The following RBM34 variants were observed in gnomAD, a reference collection of about 807,000 sequenced individuals.
RBM34 encodes RNA binding motif protein 34.
In RBM34, 39 loss-of-function variants were observed where a neutral mutation model predicts 44.6. That is an observed-to-expected ratio of 0.87 (90% confidence interval 0.68 to 1.14). The LOEUF (loss-of-function observed/expected upper bound fraction) is 1.14, where lower values mean the gene tolerates loss of function less well. Among genes scored for constraint, RBM34 ranks in the 50% most tolerant of loss-of-function variants. The pLI, the probability that RBM34 is intolerant of heterozygous loss-of-function variation, is 0.00. For missense variants in RBM34, 572 were observed against 517.9 expected, an observed-to-expected ratio of 1.10 and a Z score of -1.01; for synonymous variants, 194 against 184.0, an observed-to-expected ratio of 1.05 and a Z score of -0.44.
intron 4 of RBM34, among the ~76,000 whole-genome samples, 189 bp from the exon 5 acceptor site, chr1:235,152,954 C>T (rs951381740): frequency 2.0e-5 from 3 of 151,316 alleles, no homozygotes; most frequent in East Asian, 1.9e-4. Flanking sequence ...CTGCAACCTC[C>T]GCCCCCACGG....
rs375616401 is a variant in RBM34 at position 235,132,168 on chromosome 1, G to A, written c.1009-171C>T. Among the ~76,000 whole-genome samples the A allele has an allele frequency of 1.6e-4, 25 of 151,846 alleles. 1 individual carries two copies. The highest frequency in any genetic ancestry group is 5.6e-4 in the African/African-American group (23 of 41,388). Reference sequence around the variant, plus strand: ...TCGAAGTCTCCTCATCACCATGCTCGTCACCAGTGTTTCCTCAGAAAGCAC... The same window carrying A: ...TCGAAGTCTCCTCATCACCATGCTCATCACCAGTGTTTCCTCAGAAAGCAC... On this transcript the variant is annotated intron_variant, in intron 10 of 10. Coordinates refer to ENST00000408888, the MANE Select transcript of RBM34 (RefSeq NM_015014.4).
chr1:235,138,414 A>C (rs1395656938), intron 6 of RBM34, among the ~76,000 whole-genome samples: 1 of 152,258 alleles, frequency 6.6e-6, no homozygotes, highest in African/African-American at 2.4e-5. Context: ...AACCATGAGA[A>C]AACAGATGAA....
intron 5 of RBM34, among the ~76,000 whole-genome samples, chr1:235,151,598 G>T (rs1026778426): frequency 6.6e-6 from 1 of 152,052 alleles, no homozygotes; most frequent in Admixed American, 6.6e-5. Flanking sequence ...GCATCTAGTG[G>T]GTAAAGACCA....
intron 10 of RBM34, among the ~76,000 whole-genome samples, chr1:235,133,426 A>G (rs577137247): frequency 6.6e-6 from 1 of 152,364 alleles, no homozygotes; most frequent in East Asian, 1.9e-4. Flanking sequence ...GAGAGAAATG[A>G]CAGTATAAAC....
chr1:235,144,429 T>C (rs1202464121), intron 6 of RBM34, among the ~76,000 whole-genome samples: 2 of 149,060 alleles, frequency 1.3e-5, no homozygotes, highest in East Asian at 1.9e-4. Context: ...CAAGATTGCC[T>C]ACATATGTTA....
chr1:235,156,359 G>C (rs1167122630), intron 3 of RBM34, among the ~76,000 whole-genome samples: 1 of 152,136 alleles, frequency 6.6e-6, no homozygotes, highest in Non-Finnish European at 1.5e-5. Context: ...AACAGCAGCA[G>C]CAAGTTCATC....
chr1:235,154,860 T>G (rs1662325388), intron 4 of RBM34, 21 bp downstream of exon 4: 1 of 1,583,890 alleles, frequency 6.3e-7, no homozygotes. Flanking sequence ...TTCTCTGAAC[T>G]TTTACCATAT....
At chr1:235,132,411 C>A (rs1439072290) in intron 10 of RBM34, among the ~76,000 whole-genome samples, 1 of 152,130 alleles carries the variant, frequency 6.6e-6, no homozygotes, top group Non-Finnish European at 1.5e-5. Flanking sequence ...TGAGTTCAAG[C>A]GATTCTCTTG....
In RBM34 at chr1:235,131,606, TAAAG is replaced by T. The variant is rs967211894; in HGVS notation, c.*103_*106del. ...CTCCACATTTCACATACACCATCCA[TAAAG>T]AAGTATAAAACTCAACACATGAATA... is the stretch of plus-strand genomic sequence containing the variant. On this transcript the variant is annotated 3_prime_UTR_variant, in exon 11 of 11. Transcript: ENST00000408888. 1 of 1,240,406 alleles carries T rather than the reference TAAAG, an allele frequency of 8.1e-7. No individual in the cohort carries two copies. The highest frequency in any genetic ancestry group is 1.1e-6 in the Non-Finnish European group (1 of 891,264). The allele number at this position is 1,240,406 out of a possible 1,614,324, so 76.8% of individuals were successfully genotyped here.
At chr1:235,143,138 A>G (rs1325553254) in intron 6 of RBM34, among the ~76,000 whole-genome samples, 10 of 152,230 alleles carry the variant, frequency 6.6e-5, no homozygotes, top group Admixed American at 4.6e-4. Flanking sequence ...TAGTAAGCAC[A>G]TAAGATGCCT....
intron 6 of RBM34, among the ~76,000 whole-genome samples, chr1:235,140,951 T>C (rs1054628719): frequency 6.6e-6 from 1 of 152,086 alleles, no homozygotes; most frequent in African/African-American, 2.4e-5. Context: ...ACTCTGTATC[T>C]AGCTCAAGGT....
chr1:235,159,245 GAATA>G (rs1662584506), intron 3 of RBM34, among the ~76,000 whole-genome samples: 1 of 150,738 alleles, frequency 6.6e-6, no homozygotes, highest in Non-Finnish European at 1.5e-5. Context: ...TGAGGGAAAT[GAATA>G]AATTTAAGAA....
chr1:235,149,764 C>T (rs1314554406), intron 5 of RBM34, among the ~76,000 whole-genome samples: 1 of 152,150 alleles, frequency 6.6e-6, no homozygotes, highest in Non-Finnish European at 1.5e-5. Flanking sequence ...AAGATACCAA[C>T]CCTGCAAGTT....
intron 5 of RBM34, among the ~76,000 whole-genome samples, chr1:235,149,306 G>T (rs567936736): frequency 7.3e-5 from 11 of 149,910 alleles, no homozygotes; most frequent in Admixed American, 1.3e-4. Context: ...GGAGAATGGC[G>T]TGAACCCGGG....
chr1:235,132,305 C>CT (rs1035850721), intron 10 of RBM34, among the ~76,000 whole-genome samples: 1 of 151,676 alleles, frequency 6.6e-6, no homozygotes, highest in Non-Finnish European at 1.5e-5. Context: ...GCAATATTGG[C>CT]TTTTTTTCTT....
At chr1:235,154,737 G>A (rs1028881960) in intron 4 of RBM34, 144 bp downstream of exon 4, 20 of 696,536 alleles carry the variant, frequency 2.9e-5, no homozygotes, top group Admixed American at 2.5e-4. Context: ...AGGAGGGGGT[G>A]GATACTGGAA....
At chr1:235,153,628 G>A (rs1479774030) in intron 4 of RBM34, among the ~76,000 whole-genome samples, 1 of 152,120 alleles carries the variant, frequency 6.6e-6, no homozygotes, top group East Asian at 1.9e-4. Context: ...GTTTCACCAT[G>A]TTGGCCAAGC....
intron 5 of RBM34, chr1:235,152,380 A>G (rs776073658): frequency 1.4e-6 from 1 of 697,384 alleles, no homozygotes; most frequent in Non-Finnish European, 1.8e-6. Flanking sequence ...TAGGAAGAGA[A>G]TGCCTAGGAT....
In RBM34 at chr1:235,131,536, TTCAAAGGTAGTA is replaced by T. The variant is rs1661196009; in HGVS notation, c.*165_*176del. ...AAAACAAAACAAAAACAAAAAAACC[TTCAAAGGTAGTA>T]TCACAATGTGAATAAACTGAGAATG... On this transcript the variant is annotated 3_prime_UTR_variant, in exon 11 of 11. Coordinates refer to ENST00000408888, the MANE Select transcript of RBM34 (RefSeq NM_015014.4). 1 of 716,532 alleles carries T rather than the reference TTCAAAGGTAGTA, an allele frequency of 1.4e-6. No homozygotes were observed. The highest frequency in any genetic ancestry group is 2.1e-6 in the Non-Finnish European group (1 of 468,076). The allele number at this position is 716,532 out of a possible 1,614,324, so 44.4% of individuals were successfully genotyped here. A position where few individuals can be genotyped will look rare whatever the true frequency, so the allele number is the denominator to read the frequency against.
Sources: gnomAD v4.1 joint callset for allele counts (sites outside exome capture counted in the v4.1 genomes callset) on GRCh38, gnomAD v4.1.1 for gene constraint, MANE v1.5 for transcripts, NCBI Gene and HGNC (gene_info 2026-07-23, HGNC 2026-07-21) for gene names.